Variants in NDUFS7 observed in about 807,000 individuals in gnomAD.
NDUFS7 encodes the protein NADH:ubiquinone oxidoreductase core subunit S7.
NDUFS7 carries 11 observed loss-of-function variants against 31.1 expected under a neutral mutation model. The ratio of observed to expected loss-of-function variants is 0.35; its 90% confidence interval spans 0.22 to 0.59. The LOEUF is 0.59. NDUFS7 is among the 20% of genes least tolerant of loss of function. The probability of loss-of-function intolerance (pLI) is 0.79; values close to 1 mark genes in which losing one functional copy is unlikely to be tolerated. For missense variants in NDUFS7, 263 were observed against 324.2 expected (o/e 0.81, Z 1.45); for synonymous variants, 136 against 127.9 (o/e 1.06, Z -0.43).
At chr19:1,390,680 A>G (rs2082548689) in intron 4 of NDUFS7, 191 bp from the exon 5 acceptor site, 1 of 619,172 alleles carries the variant, frequency 1.6e-6, no homozygotes. Context: ...ATGTATTTGA[A>G]TGTGGCTGGT....
chr19:1,385,602 T>C lies in NDUFS7; in HGVS notation c.16+1660T>C, dbSNP rs371497196. ...GGGAGGCCGAGGTGGGCGGATCCCC[T>C]GAGTTCGGGAGTTCAAGACCAGCCT... On this transcript the variant is annotated intron_variant, in intron 1 of 7. Transcript: ENST00000233627. Among the ~76,000 whole-genome samples the C allele has an allele frequency of 3.9e-5, 6 of 152,230 alleles. 1 individual carries two copies. In the South Asian group the frequency reaches 1.2e-3, roughly 32 times the overall value.
At chr19:1,387,783 T>G in intron 1 of NDUFS7, 28 bp from the exon 2 acceptor site, 1 of 1,609,336 alleles carries the variant, frequency 6.2e-7, no homozygotes, top group Non-Finnish European at 8.5e-7. Flanking sequence ...CGCAGCTCAC[T>G]GTTCCCACCC....
At chr19:1,388,503 C>A (rs1292871542) in intron 2 of NDUFS7, 22 bp from the exon 3 acceptor site, 3 of 1,609,726 alleles carry the variant, frequency 1.9e-6, no homozygotes, top group Non-Finnish European at 2.5e-6. Flanking sequence ...CAGCCACTGA[C>A]CCGCGTTCCA....
chr19:1,388,648 C>T (rs1224830358), intron 3 of NDUFS7, 55 bp downstream of exon 3: 1 of 1,568,652 alleles, frequency 6.4e-7, no homozygotes, highest in African/African-American at 1.4e-5. Context: ...CCCATCCCTT[C>T]CTTATTTTCT....
rs141609222 is a variant in NDUFS7, at chr19:1,388,353, C to T, written c.54-172C>T. The T allele has an allele frequency of 1.3e-3, 854 of 663,084 alleles. 4 individuals are homozygous for T. In the East Asian group the frequency reaches 0.018, roughly 14 times the overall value. 41.1% of individuals were successfully genotyped at this position (663,084 alleles called of 1,614,324 possible). The stretch of plus-strand genomic sequence containing the variant: ...TCAAGTCTGGGCCATCATTGGGGGT[C>T]GGGGCGATGGCCGCATGGCTCCAGC... On this transcript the variant is annotated intron_variant, in intron 2 of 7. Coordinates refer to ENST00000233627, the MANE Select transcript of NDUFS7 (RefSeq NM_024407.5).
chr19:1,389,267 GCACACGCA>G (rs2082535902), intron 4 of NDUFS7: 6 of 617,100 alleles, frequency 9.7e-6, no homozygotes, highest in South Asian at 3.1e-5. Context: ...ATATACACAT[GCACACGCA>G]CACTCGCACA....
intron 6 of NDUFS7, chr19:1,392,071 TCTC>T (rs2082561660): frequency 6.6e-6 from 1 of 151,616 alleles, no homozygotes; most frequent in African/African-American, 2.4e-5. Context: ...ATGGTCTCGA[TCTC>T]CTGATCTCGT....
At chr19:1,387,392 C>T (rs553711473) in intron 1 of NDUFS7, among the ~76,000 whole-genome samples, 2 of 152,300 alleles carry the variant, frequency 1.3e-5, no homozygotes, top group East Asian at 1.9e-4. Flanking sequence ...AGGCGGGACG[C>T]CCCGGGTATC....
In NDUFS7 at chr19:1,389,177, A is replaced by G. The variant is rs574697166; in HGVS notation, c.228+239A>G. The G allele has an allele frequency of 8.2e-4, 565 of 691,120 alleles. 2 individuals are homozygous for G. In the African/African-American group the frequency reaches 9.2e-3, roughly 11 times the overall value. 42.8% of individuals were successfully genotyped at this position (691,120 alleles called of 1,614,324 possible). On this transcript the variant is annotated intron_variant, in intron 4 of 7. Coordinates refer to ENST00000233627, the MANE Select transcript of NDUFS7 (RefSeq NM_024407.5). ...CGCACACATGCACACTTGCACACAC[A>G]TGCACACACAAGCACATGTGCACAC...
chr19:1,391,486 CT>C (rs11287297), intron 6 of NDUFS7, among the ~76,000 whole-genome samples: 13,556 of 122,476 alleles, frequency 0.11, 822 homozygotes, highest in African/African-American at 0.25. Context: ...AGTTTTTTTT[CT>C]TTTTTTTTTT....
rs863224112 is a variant in NDUFS7 at position 1,391,178 on chromosome 19, CG to C, written c.455+19del. The C allele has an allele frequency of 1.9e-6, 3 of 1,610,702 alleles. No individual in the cohort carries two copies. Among genetic ancestry groups the C allele is most frequent in the Non-Finnish European group, 1.7e-6 (2 of 1,179,086 alleles). On this transcript the variant is annotated intron_variant, in intron 6 of 7. Coordinates refer to ENST00000233627, the MANE Select transcript of NDUFS7 (RefSeq NM_024407.5). Reference sequence around the variant, plus strand: ...TCTCCATGGGGAGGTGAGTGCAGGGCGGGGGGTCTCCAGGGACAGACGTAGC... The same window carrying C: ...TCTCCATGGGGAGGTGAGTGCAGGGCGGGGGTCTCCAGGGACAGACGTAGC...
At chr19:1,394,093 A>G (rs1175230709) in intron 7 of NDUFS7, 14 of 330,250 alleles carry the variant, frequency 4.2e-5, no homozygotes, top group Non-Finnish European at 6.6e-5. Context: ...GCATTAGCTC[A>G]TGCGCAGAGA....
In NDUFS7 at chr19:1,390,514, G is replaced by A. The variant is rs1024794880; in HGVS notation, c.229-357G>A. Reference sequence around the variant, plus strand: ...GTATGTGGACCCAGATCTAGTTAACGCAGAGAGTTCCCGGTTAGACCTGCG... The same window carrying A: ...GTATGTGGACCCAGATCTAGTTAACACAGAGAGTTCCCGGTTAGACCTGCG... On this transcript the variant is annotated intron_variant, in intron 4 of 7. Coordinates refer to ENST00000233627, the MANE Select transcript of NDUFS7 (RefSeq NM_024407.5). 1.1e-4 allele frequency: 45 copies of A among 402,062 alleles called. No individual in the cohort carries two copies. The East Asian group carries it at 1.4e-3, about 13-fold the overall frequency. 24.9% of individuals were successfully genotyped at this position (402,062 alleles called of 1,614,324 possible).
Position 1,388,309 on chromosome 19 carries a change from G to T in NDUFS7, c.54-216G>T, listed in dbSNP as rs1054414829. The T allele has an allele frequency of 4.8e-6, 3 of 619,430 alleles. No individual in the cohort carries two copies. In the East Asian group the frequency reaches 8.3e-5, roughly 17 times the overall value. The allele number at this position is 619,430 out of a possible 1,614,324, so 38.4% of individuals were successfully genotyped here. A position where few individuals can be genotyped will look rare whatever the true frequency, so the allele number is the denominator to read the frequency against. ...TGGACACTGTTGACCTGCTGGGTACGTCACAAAAGAAGTTCCATTCAAGTC... is the reference window on the plus strand; with the variant it reads ...TGGACACTGTTGACCTGCTGGGTACTTCACAAAAGAAGTTCCATTCAAGTC... On this transcript the variant is annotated intron_variant, in intron 2 of 7. Coordinates refer to ENST00000233627, the MANE Select transcript of NDUFS7 (RefSeq NM_024407.5).
rs1342415734 is a variant in NDUFS7 at position 1,390,974 on chromosome 19, G to A, written c.332G>A (p.Arg111His). ...ATGGACCGCTTTGGCGTGGTCTTCC[G>A]CGCCAGCCCGCGCCAGTCCGACGTC... The part of the protein sequence containing the change: ...YDMDRFGVVF[R>H]ASPRQSDVMI... Residue 111 changes from arginine to histidine, a missense_variant, in exon 5 of 8, where the codon CGC becomes CAC. Transcript: ENST00000233627. The A allele has an allele frequency of 1.9e-6, 3 of 1,612,878 alleles. No homozygotes were observed. Among genetic ancestry groups the A allele is most frequent in the Non-Finnish European group, 2.5e-6 (3 of 1,179,840 alleles).
intron 2 of NDUFS7, 117 bp from the exon 3 acceptor site, chr19:1,388,408 G>T: frequency 1.0e-6 from 1 of 968,136 alleles, no homozygotes; most frequent in Non-Finnish European, 1.6e-6. Flanking sequence ...AGTGTTGACA[G>T]GCAGAGGTGA....
chr19:1,395,347 G>T, intron 7 of NDUFS7, 44 bp from the exon 8 acceptor site: 2 of 1,577,236 alleles, frequency 1.3e-6, no homozygotes, highest in Non-Finnish European at 1.7e-6. Flanking sequence ...GCGGTCACGC[G>T]GGCTCCGGCT....
In NDUFS7 at chr19:1,388,873, A is replaced by C; in HGVS notation, c.163A>C (p.Lys55Gln). Reference sequence around the variant, plus strand: ...GCCAAAGGCCAGAGCCGTGGCTCCCAAACCCAGCAGCCGGGGCGAGTATGT... The same window carrying C: ...GCCAAAGGCCAGAGCCGTGGCTCCCCAACCCAGCAGCCGGGGCGAGTATGT... ...ALPKARAVAP[K>Q]PSSRGEYVVA... The change falls in exon 4 of 8, where the codon AAA becomes CAA. Residue 55 changes from lysine to glutamine, a missense_variant. Coordinates refer to ENST00000233627, the MANE Select transcript of NDUFS7 (RefSeq NM_024407.5). 6.2e-7 allele frequency: 1 copy of C among 1,608,842 alleles called. No homozygotes were observed. The highest frequency in any genetic ancestry group is 8.5e-7 in the Non-Finnish European group (1 of 1,178,060).
At chr19:1,387,555 A>G (rs936694010) in intron 1 of NDUFS7, among the ~76,000 whole-genome samples, 8 of 152,330 alleles carry the variant, frequency 5.3e-5, no homozygotes, top group African/African-American at 1.9e-4. Flanking sequence ...GGAAAGCGGC[A>G]GGTGCCAGTG....
Sources: allele counts gnomAD v4.1 joint callset (sites outside exome capture counted in the v4.1 genomes callset), GRCh38; gene constraint gnomAD v4.1.1; transcripts MANE v1.5; gene names NCBI Gene and HGNC (gene_info 2026-07-23, HGNC 2026-07-21).